Variants in SP4 observed in about 807,000 individuals in gnomAD.
SP4 encodes the protein transcription factor Sp4.
SP4 carries 19 observed loss-of-function variants against 72.8 expected under a neutral mutation model. The ratio of observed to expected loss-of-function variants is 0.26; its 90% CI spans 0.18 to 0.38. The LOEUF (loss-of-function observed/expected upper bound fraction) is 0.38, where lower values mean the gene tolerates loss of function less well. Ranked by LOEUF, SP4 falls within the 10% of genes least tolerant of loss-of-function variation. The pLI is 1.00. For missense variants in SP4, 1,008 were observed against 926.3 expected (o/e 1.09, Z -1.14); for synonymous variants, 395 against 333.1 (o/e 1.19, Z -2.02).
chr7:21,495,481 A>G (rs1334428370), intron 5 of SP4, among the ~76,000 whole-genome samples: 3 of 152,144 alleles, frequency 2.0e-5, no homozygotes, highest in Non-Finnish European at 4.4e-5. Context: ...GGAAAAGTGC[A>G]TGAAAAGATG....
At chr7:21,478,796 G>A (rs1400199663) in intron 4 of SP4, among the ~76,000 whole-genome samples, 1 of 152,066 alleles carries the variant, frequency 6.6e-6, no homozygotes, top group Admixed American at 6.6e-5. Context: ...CTGGCTGGGC[G>A]CAGTGGCTCA....
chr7:21,479,777 G>A (rs1289958116), intron 4 of SP4, among the ~76,000 whole-genome samples: 1 of 151,978 alleles, frequency 6.6e-6, no homozygotes, highest in African/African-American at 2.4e-5. Flanking sequence ...AAGTATTTCT[G>A]GTTGTTTAAT....
At chr7:21,471,171 C>G (rs1784331156) in intron 3 of SP4, 1 of 532,370 alleles carries the variant, frequency 1.9e-6, no homozygotes, top group Non-Finnish European at 3.9e-6. Flanking sequence ...TAAAACTAAG[C>G]AGGAGTTAGA....
At chr7:21,453,179 T>C (rs1783654531) in intron 3 of SP4, among the ~76,000 whole-genome samples, 2 of 152,238 alleles carry the variant, frequency 1.3e-5, no homozygotes, top group Non-Finnish European at 2.9e-5. Flanking sequence ...AGGATTATTT[T>C]AGTCTTCTAT....
chr7:21,438,905 G>A (rs1329423017), intron 3 of SP4, among the ~76,000 whole-genome samples: 3 of 152,150 alleles, frequency 2.0e-5, no homozygotes, highest in Admixed American at 6.5e-5. Flanking sequence ...GCCTGAAAGT[G>A]CAAAAGTAGT....
At chr7:21,482,610 G>A in intron 5 of SP4, 2 of 975,670 alleles carry the variant, frequency 2.0e-6, no homozygotes, top group Non-Finnish European at 2.4e-6. Context: ...TTCAAATACA[G>A]CAAAGCAGTT....
chr7:21,513,641 CTTTT>C lies in SP4; in HGVS notation c.*2374_*2377del, dbSNP rs1289446970. On this transcript the variant is annotated 3_prime_UTR_variant, in exon 6 of 6. Transcript: ENST00000222584. Reference sequence around the variant, plus strand: ...TTAATCATGTTTCCTCAGAGTGACACTTTTTGTTGTTGTTAATACCAAGTATGAA... The same window carrying C: ...TTAATCATGTTTCCTCAGAGTGACACTGTTGTTGTTAATACCAAGTATGAA... 2.0e-5 allele frequency: 3 copies of C among 152,360 alleles called. No homozygotes were observed. Among genetic ancestry groups the C allele is most frequent in the Non-Finnish European group, 4.4e-5 (3 of 68,010 alleles). 9.4% of individuals were successfully genotyped at this position (152,360 alleles called of 1,614,324 possible).
At chr7:21,445,022 T>G (rs1481452793) in intron 3 of SP4, among the ~76,000 whole-genome samples, 1 of 152,174 alleles carries the variant, frequency 6.6e-6, no homozygotes, top group African/African-American at 2.4e-5. Flanking sequence ...TTTTTATTAC[T>G]TTGATGGACT....
intron 3 of SP4, among the ~76,000 whole-genome samples, chr7:21,470,866 C>T (rs1784319651): frequency 1.3e-5 from 2 of 152,018 alleles, no homozygotes; most frequent in South Asian, 4.2e-4. Flanking sequence ...AAAAGAACGG[C>T]CATCCTCAGT....
intron 3 of SP4, among the ~76,000 whole-genome samples, chr7:21,435,062 G>A (rs950660484): frequency 6.6e-6 from 1 of 152,134 alleles, no homozygotes; most frequent in Non-Finnish European, 1.5e-5. Context: ...AGCTATGTAG[G>A]AACAATTGAT....
chr7:21,492,615 A>G (rs1316885734), intron 5 of SP4, among the ~76,000 whole-genome samples: 1 of 152,254 alleles, frequency 6.6e-6, no homozygotes, highest in Non-Finnish European at 1.5e-5. Context: ...AAATAGAAGC[A>G]TGAAAAACAG....
intron 1 of SP4, 133 bp from the exon 2 acceptor site, chr7:21,428,544 C>A (rs924327710): frequency 2.3e-5 from 23 of 991,788 alleles, no homozygotes; most frequent in Admixed American, 1.6e-4. Flanking sequence ...CACCCCCTGC[C>A]GGTGTGCGTG....
At position 21,513,798 on chromosome 7, in the gene SP4, A is replaced by G; in HGVS notation, c.*2529A>G. 1 of 152,190 alleles carries G rather than the reference A, an allele frequency of 6.6e-6. No homozygotes were observed. Among genetic ancestry groups the G allele is most frequent in the Middle Eastern group, 3.2e-3 (1 of 316 alleles). 9.4% of individuals were successfully genotyped at this position (152,190 alleles called of 1,614,324 possible). A position where few individuals can be genotyped will look rare whatever the true frequency, so the allele number is the denominator to read the frequency against. On this transcript the variant is annotated 3_prime_UTR_variant, in exon 6 of 6. Coordinates refer to ENST00000222584, the MANE Select transcript of SP4 (RefSeq NM_003112.5). ...TTATCAGATGAATCTAGATAGCTTT[A>G]TAGCATATAAAATATGTTAATTTGT...
At chr7:21,452,460 C>T (rs750491059) in intron 3 of SP4, among the ~76,000 whole-genome samples, 1 of 152,152 alleles carries the variant, frequency 6.6e-6, no homozygotes, top group Non-Finnish European at 1.5e-5. Context: ...TCAAAAGTGA[C>T]ATTCTTTACT....
chr7:21,480,661 C>T (rs965576445), intron 4 of SP4, among the ~76,000 whole-genome samples: 2 of 152,116 alleles, frequency 1.3e-5, no homozygotes, highest in Non-Finnish European at 2.9e-5. Context: ...GTTTACTTTT[C>T]CCAAGAATCT....
intron 5 of SP4, among the ~76,000 whole-genome samples, chr7:21,485,917 C>G (rs979801595): frequency 1.6e-4 from 24 of 152,028 alleles, no homozygotes; most frequent in Admixed American, 5.2e-4. Flanking sequence ...CGTTTTAGAT[C>G]TCATATTGGT....
At chr7:21,435,446 C>G (rs192429460) in intron 3 of SP4, among the ~76,000 whole-genome samples, 573 of 152,120 alleles carry the variant, frequency 3.8e-3, no homozygotes, top group Non-Finnish European at 6.3e-3. Flanking sequence ...AAACTGAATT[C>G]AATCCAGTAA....
At chr7:21,448,939 T>C (rs1033561626) in intron 3 of SP4, among the ~76,000 whole-genome samples, 16 of 152,214 alleles carry the variant, frequency 1.1e-4, no homozygotes, top group Non-Finnish European at 2.2e-4. Context: ...GTATTATGCT[T>C]TGACATCTGA....
At chr7:21,445,802 G>T (rs1331097934) in intron 3 of SP4, among the ~76,000 whole-genome samples, 1 of 152,116 alleles carries the variant, frequency 6.6e-6, no homozygotes, top group Non-Finnish European at 1.5e-5. Flanking sequence ...TGGTTTCCCT[G>T]AAAAGTTTTA....
Sources: allele counts gnomAD v4.1 joint callset (sites outside exome capture counted in the v4.1 genomes callset), GRCh38; gene constraint gnomAD v4.1.1; transcripts MANE v1.5; gene names NCBI Gene and HGNC (gene_info 2026-07-23, HGNC 2026-07-21).